Variants in ODAD2 observed in about 807,000 individuals in gnomAD.
ODAD2 encodes outer dynein arm docking complex subunit 2, also known as outer dynein arm-docking complex subunit 2.
ODAD2 carries 89 observed loss-of-function variants against 106.8 expected under a neutral mutation model. The observed-to-expected ratio is 0.83, with a 90% CI of 0.70 to 0.99. ODAD2 has a LOEUF of 0.99. Ranked by LOEUF, ODAD2 falls within the 50% of genes least tolerant of loss-of-function variation. The pLI, the probability that ODAD2 is intolerant of heterozygous loss-of-function variation, is 0.00. For synonymous variants in ODAD2, 404 were observed against 436.2 expected (o/e 0.93, Z 0.92); for missense variants, 1,168 against 1,238.5 (o/e 0.94, Z 0.85).
chr10:27,845,238 C>G (rs561784604), intron 19 of ODAD2, among the ~76,000 whole-genome samples: 1 of 152,204 alleles, frequency 6.6e-6, no homozygotes, highest in Admixed American at 6.5e-5. Context: ...AGAAACTATA[C>G]AAGCCAGAAG....
At chr10:27,946,159 TTA>T (rs961336038) in intron 10 of ODAD2, among the ~76,000 whole-genome samples, 8 of 148,242 alleles carry the variant, frequency 5.4e-5, no homozygotes, top group African/African-American at 1.7e-4. Context: ...ATATTCTACA[TTA>T]TGTTTATATA....
At chr10:27,817,854 G>T (rs1836260657) in intron 19 of ODAD2, among the ~76,000 whole-genome samples, 2 of 152,092 alleles carry the variant, frequency 1.3e-5, no homozygotes, top group African/African-American at 4.8e-5. Flanking sequence ...TATATATCCA[G>T]TAGGGGGATT....
At chr10:27,906,634 C>A (rs1843611167) in intron 17 of ODAD2, among the ~76,000 whole-genome samples, 1 of 152,108 alleles carries the variant, frequency 6.6e-6, no homozygotes, top group African/African-American at 2.4e-5. Flanking sequence ...CAATGATAGA[C>A]TGGATAAAGA....
chr10:27,822,847 T>C (rs1455696627), intron 19 of ODAD2, among the ~76,000 whole-genome samples: 1 of 152,190 alleles, frequency 6.6e-6, no homozygotes, highest in Non-Finnish European at 1.5e-5. Flanking sequence ...GCTTATTGGA[T>C]CCAGTGCTCT....
chr10:27,954,489 A>G (rs899960271), intron 10 of ODAD2, among the ~76,000 whole-genome samples: 21 of 92,472 alleles, frequency 2.3e-4, no homozygotes, highest in African/African-American at 7.3e-4. Context: ...TCATGAATAA[A>G]CACGAGTGAA....
chr10:27,997,903 T>G (rs1233890923), intron 1 of ODAD2, among the ~76,000 whole-genome samples: 2 of 152,188 alleles, frequency 1.3e-5, no homozygotes, highest in African/African-American at 2.4e-5. Flanking sequence ...GAAAGTAAGT[T>G]TAAAGATTAA....
Position 27,907,747 on chromosome 10 carries a change from C to T in ODAD2, c.2526G>A (p.Leu842=), listed in dbSNP as rs769708918. The T allele has an allele frequency of 4.3e-6, 7 of 1,613,772 alleles. No individual in the cohort carries two copies. The highest frequency in any genetic ancestry group is 5.9e-6 in the Non-Finnish European group (7 of 1,179,790). ...MIIDRLDGVR[L]LWSLLKNPHP... is the part of the protein sequence containing the mutation. ...GAGGATTTTTCAGCAGGGACCACAA[C>T]AAACGAACTCCATCTAAGCGATCAA... The change falls in exon 17 of 20, where the codon TTG becomes TTA. Residue 842 remains leucine (L), a synonymous_variant. Transcript: ENST00000305242.
At chr10:27,820,584 T>G (rs1836523452) in intron 19 of ODAD2, among the ~76,000 whole-genome samples, 1 of 152,178 alleles carries the variant, frequency 6.6e-6, no homozygotes, top group South Asian at 2.1e-4. Context: ...ACCCTTTTTA[T>G]GACTCTATTC....
chr10:27,944,755 A>G, intron 11 of ODAD2, 61 bp downstream of exon 11: 1 of 1,603,920 alleles, frequency 6.2e-7, no homozygotes, highest in Non-Finnish European at 8.5e-7. Flanking sequence ...ACCTAGAGCT[A>G]AGAAGAGAGC....
rs570000929 is a variant in ODAD2, at chr10:27,854,412, C to T, written c.3021+6213G>A. On this transcript the variant is annotated intron_variant, in intron 19 of 19. Transcript: ENST00000305242. Reference sequence around the variant, plus strand: ...ACCCAATGACTTGTACATGAATGTTCGTAGCAGCTTTATTTGTAACAACCC... The same window carrying T: ...ACCCAATGACTTGTACATGAATGTTTGTAGCAGCTTTATTTGTAACAACCC... Among the ~76,000 whole-genome samples the T allele has an allele frequency of 2.6e-5, 4 of 152,272 alleles. No individual in the cohort carries two copies. The East Asian group carries it at 5.8e-4, about 22-fold the overall frequency.
chr10:27,942,748 C>T (rs1433793039), intron 12 of ODAD2, among the ~76,000 whole-genome samples: 1 of 152,082 alleles, frequency 6.6e-6, no homozygotes, highest in Non-Finnish European at 1.5e-5. Context: ...ACAATGATTG[C>T]ACACAAACCT....
intron 7 of ODAD2, among the ~76,000 whole-genome samples, chr10:27,975,814 A>G (rs1849155102): frequency 1.3e-5 from 2 of 152,176 alleles, no homozygotes; most frequent in South Asian, 4.1e-4. Flanking sequence ...TAATGTCAGT[A>G]TTACTTCAAT....
chr10:27,996,172 T>A (rs73606026), intron 1 of ODAD2, among the ~76,000 whole-genome samples: 33,279 of 152,174 alleles, frequency 0.22, 4,890 homozygotes, highest in African/African-American at 0.4. Context: ...TTCTTTTCTC[T>A]TTTGTATAGC....
intron 19 of ODAD2, among the ~76,000 whole-genome samples, chr10:27,829,761 A>G (rs941621135): frequency 6.6e-6 from 1 of 152,190 alleles, no homozygotes; most frequent in Admixed American, 6.5e-5. Flanking sequence ...TCATCTATAT[A>G]AGAACTTCAC....
chr10:27,864,358 A>G (rs1415364907), intron 17 of ODAD2, among the ~76,000 whole-genome samples: 2 of 146,654 alleles, frequency 1.4e-5, no homozygotes, highest in Non-Finnish European at 3.0e-5. Flanking sequence ...ACCCACAGAC[A>G]TTTAAGTGGA....
intron 6 of ODAD2, among the ~76,000 whole-genome samples, chr10:27,982,163 A>AAC (rs1554824449): frequency 6.6e-6 from 1 of 151,242 alleles, no homozygotes; most frequent in Non-Finnish European, 1.5e-5. Context: ...TCCATAACAG[A>AAC]ATATATATAT....
intron 17 of ODAD2, among the ~76,000 whole-genome samples, chr10:27,888,706 A>C (rs1842385091): frequency 6.6e-6 from 1 of 152,092 alleles, no homozygotes; most frequent in Non-Finnish European, 1.5e-5. Context: ...TTGTGCCCAC[A>C]ATATATCCAC....
chr10:27,963,277 T>C (rs551915479), intron 9 of ODAD2, among the ~76,000 whole-genome samples: 1 of 152,140 alleles, frequency 6.6e-6, no homozygotes, highest in African/African-American at 2.4e-5. Flanking sequence ...AAAGTGCTGG[T>C]ATTACAAGCA....
In ODAD2 at chr10:27,829,375, T is replaced by C. The variant is rs79619863; in HGVS notation, c.3022-16750A>G. On this transcript the variant is annotated intron_variant, in intron 19 of 19. Coordinates refer to ENST00000305242, the MANE Select transcript of ODAD2 (RefSeq NM_018076.5). Reference sequence around the variant, plus strand: ...TCTTTTGGTCCAGTAATTGCTTTTTTCAAACTCCCGTTGACTTAACCTCAT... The same window carrying C: ...TCTTTTGGTCCAGTAATTGCTTTTTCCAAACTCCCGTTGACTTAACCTCAT... Among the ~76,000 whole-genome samples, 1,010 of 152,306 alleles carry C rather than the reference T, an allele frequency of 6.6e-3. 12 individuals carry two copies. The highest frequency in any genetic ancestry group is 0.023 in the African/African-American group (972 of 41,570).
Sources: gnomAD v4.1 joint callset for allele counts (sites outside exome capture counted in the v4.1 genomes callset) on GRCh38, gnomAD v4.1.1 for gene constraint, MANE v1.5 for transcripts, NCBI Gene and HGNC (gene_info 2026-07-23, HGNC 2026-07-21) for gene names.